The following GPM6A variants were observed in gnomAD, a reference collection of about 807,000 sequenced individuals.
GPM6A encodes the protein glycoprotein M6A, also known as neuronal membrane glycoprotein M6-a.
GPM6A carries 7 observed loss-of-function variants against 32.1 expected under a neutral mutation model. The ratio of observed to expected loss-of-function variants is 0.22; its 90% CI spans 0.12 to 0.41. The LOEUF (loss-of-function observed/expected upper bound fraction) is 0.41, where lower values mean the gene tolerates loss of function less well. Among genes scored for constraint, GPM6A ranks in the 10% least tolerant of loss-of-function variants. GPM6A has a pLI of 1.00. For synonymous variants in GPM6A, 130 were observed against 123.4 expected (o/e 1.05, Z -0.35); for missense variants, 235 against 347.2 (o/e 0.68, Z 2.57).
chr4:175,922,790 C>A (rs1462213793), intron 1 of GPM6A, among the ~76,000 whole-genome samples: 2 of 152,124 alleles, frequency 1.3e-5, no homozygotes, highest in Non-Finnish European at 2.9e-5. Context: ...AAGCAAAAAT[C>A]TCTAGCTACT....
intron 1 of GPM6A, among the ~76,000 whole-genome samples, chr4:175,770,776 C>T (rs1407537998): frequency 1.3e-5 from 2 of 152,074 alleles, no homozygotes; most frequent in African/African-American, 2.4e-5. Flanking sequence ...ACTGGTTAAT[C>T]GGCCATAATA....
chr4:175,770,304 G>T (rs148448408), intron 1 of GPM6A, among the ~76,000 whole-genome samples: 9 of 152,144 alleles, frequency 5.9e-5, no homozygotes, highest in African/African-American at 2.2e-4. Context: ...GGGGTTACAG[G>T]CGTGAGCCAC....
chr4:175,949,436 A>G (rs192107664), intron 1 of GPM6A, among the ~76,000 whole-genome samples: 7 of 152,290 alleles, frequency 4.6e-5, no homozygotes, highest in African/African-American at 1.7e-4. Context: ...AAGTGCTAGG[A>G]TTACAGACCT....
chr4:175,843,822 C>A (rs1736010692), intron 1 of GPM6A, among the ~76,000 whole-genome samples: 1 of 152,174 alleles, frequency 6.6e-6, no homozygotes, highest in Admixed American at 6.5e-5. Flanking sequence ...CTAATGACGA[C>A]TCCCTTCTTG....
chr4:175,749,233 A>C (rs1365781198), intron 1 of GPM6A, among the ~76,000 whole-genome samples: 2 of 152,200 alleles, frequency 1.3e-5, no homozygotes, highest in African/African-American at 4.8e-5. Flanking sequence ...AAACTGCAAT[A>C]ACTTTTGCAT....
chr4:175,680,942 ATTC>A (rs1387611458), intron 2 of GPM6A, among the ~76,000 whole-genome samples: 1 of 152,204 alleles, frequency 6.6e-6, no homozygotes, highest in Non-Finnish European at 1.5e-5. Context: ...GATTGTTCTC[ATTC>A]TTTTTAACTT....
At chr4:175,776,211 A>G (rs1312371327) in intron 1 of GPM6A, among the ~76,000 whole-genome samples, 1 of 151,800 alleles carries the variant, frequency 6.6e-6, no homozygotes, top group East Asian at 1.9e-4. Flanking sequence ...TTTCAATTCA[A>G]TATTATACTG....
At chr4:175,762,990 T>G (rs1732810676) in intron 1 of GPM6A, among the ~76,000 whole-genome samples, 1 of 152,136 alleles carries the variant, frequency 6.6e-6, no homozygotes, top group African/African-American at 2.4e-5. Flanking sequence ...AAAATTAGAT[T>G]GTGGTAATGG....
intron 3 of GPM6A, among the ~76,000 whole-genome samples, chr4:175,664,522 A>T (rs1268810940): frequency 1.3e-5 from 2 of 152,250 alleles, no homozygotes; most frequent in Non-Finnish European, 2.9e-5. Context: ...GTTAACTTTT[A>T]AAAACTAACT....
intron 1 of GPM6A, among the ~76,000 whole-genome samples, chr4:175,879,106 C>G (rs1192804560): frequency 6.6e-6 from 1 of 152,166 alleles, no homozygotes; most frequent in Admixed American, 6.5e-5. Context: ...TTTCTCATCT[C>G]CATCTGAGGC....
At chr4:175,856,100 T>C (rs1438103329) in intron 1 of GPM6A, among the ~76,000 whole-genome samples, 3 of 152,226 alleles carry the variant, frequency 2.0e-5, no homozygotes, top group Non-Finnish European at 4.4e-5. Context: ...AGGAAAGATA[T>C]ATTGATAAAT....
intron 1 of GPM6A, among the ~76,000 whole-genome samples, chr4:175,903,603 A>G (rs1036130731): frequency 6.6e-6 from 1 of 152,204 alleles, no homozygotes; most frequent in African/African-American, 2.4e-5. Flanking sequence ...GATGTGATGC[A>G]CTGGGAATAG....
chr4:175,925,202 T>C (rs1738793634), intron 1 of GPM6A, among the ~76,000 whole-genome samples: 1 of 152,226 alleles, frequency 6.6e-6, no homozygotes, highest in Non-Finnish European at 1.5e-5. Context: ...CGGAATACAA[T>C]GATTTACGAT....
At chr4:175,984,438 C>G (rs1170093427) in intron 1 of GPM6A, among the ~76,000 whole-genome samples, 1 of 152,162 alleles carries the variant, frequency 6.6e-6, no homozygotes, top group Non-Finnish European at 1.5e-5. Flanking sequence ...GCTGGGATAA[C>G]AGGCATGAGC....
chr4:175,880,448 A>G (rs187117162), intron 1 of GPM6A, among the ~76,000 whole-genome samples: 1 of 152,206 alleles, frequency 6.6e-6, no homozygotes, highest in African/African-American at 2.4e-5. Context: ...CTTGATGGGG[A>G]TGGCATTGAA....
At chr4:175,992,497 G>A (rs1331035157) in intron 1 of GPM6A, among the ~76,000 whole-genome samples, 1 of 152,170 alleles carries the variant, frequency 6.6e-6, no homozygotes, top group African/African-American at 2.4e-5. Context: ...ATTTGGTGAG[G>A]ATGTGGGGCT....
At chr4:175,785,702 C>A (rs893780146) in intron 1 of GPM6A, among the ~76,000 whole-genome samples, 2 of 152,114 alleles carry the variant, frequency 1.3e-5, no homozygotes, top group Non-Finnish European at 2.9e-5. Flanking sequence ...AATAATTCTA[C>A]TAAAAGACAT....
intron 1 of GPM6A, among the ~76,000 whole-genome samples, chr4:175,747,362 G>A (rs2111180193): frequency 6.6e-6 from 1 of 151,686 alleles, no homozygotes; most frequent in Middle Eastern, 3.4e-3. Flanking sequence ...ACATCATTAT[G>A]AGGGAGTATG....
intron 1 of GPM6A, among the ~76,000 whole-genome samples, chr4:175,883,293 G>T (rs1250600789): frequency 2.0e-5 from 3 of 152,054 alleles, no homozygotes; most frequent in Non-Finnish European, 2.9e-5. Flanking sequence ...TATAATGTGA[G>T]CCATATATGT....
Sources: allele counts gnomAD v4.1 joint callset (sites outside exome capture counted in the v4.1 genomes callset), GRCh38; gene constraint gnomAD v4.1.1; transcripts MANE v1.5; gene names NCBI Gene and HGNC (gene_info 2026-07-23, HGNC 2026-07-21).